The following PLCB4 variants were observed in gnomAD, a reference collection of about 807,000 sequenced individuals.
PLCB4 encodes 1-phosphatidylinositol 4,5-bisphosphate phosphodiesterase beta-4.
Under a neutral mutation model 178.8 loss-of-function variants are expected in PLCB4, and 77 were observed. That is an observed-to-expected ratio of 0.43 (90% CI 0.36 to 0.52). The LOEUF (loss-of-function observed/expected upper bound fraction) is 0.52. Among genes scored for constraint, PLCB4 ranks in the 20% least tolerant of loss-of-function variants. The pLI is 0.00. For missense variants in PLCB4, 1,024 were observed against 1,453.4 expected, an observed-to-expected ratio of 0.70 and a Z score of 4.80; for synonymous variants, 496 against 490.8, an observed-to-expected ratio of 1.01 and a Z score of -0.14.
intron 4 of PLCB4, among the ~76,000 whole-genome samples, chr20:9,313,502 T>C (rs1248084566): frequency 6.6e-6 from 1 of 152,144 alleles, no homozygotes; most frequent in East Asian, 1.9e-4. Flanking sequence ...AAAAATAAAA[T>C]AATTTCAAAT....
chr20:9,198,894 T>G (rs970316968), intron 2 of PLCB4, among the ~76,000 whole-genome samples: 1 of 152,218 alleles, frequency 6.6e-6, no homozygotes. Context: ...TTGTATTCTC[T>G]TTTTTAAAGG....
intron 2 of PLCB4, among the ~76,000 whole-genome samples, chr20:9,143,805 A>G (rs2092542309): frequency 6.6e-6 from 1 of 152,166 alleles, no homozygotes; most frequent in South Asian, 2.1e-4. Flanking sequence ...CAAGAAATGC[A>G]GGGTGGATAC....
intron 2 of PLCB4, among the ~76,000 whole-genome samples, chr20:9,100,094 A>T (rs543731387): frequency 1.3e-5 from 2 of 152,256 alleles, no homozygotes; most frequent in South Asian, 4.1e-4. Context: ...GGTTTGTCAC[A>T]TCTGGGACTG....
chr20:9,443,981 G>A lies in PLCB4; in HGVS notation c.2765G>A (p.Gly922Asp). ...GACTTAATTTTTTTTGTTTGTTTAG[G>A]TATTGAACTTATCCCTCAAGTAAGG... ...ALASGVEAKK[G>D]IELIPQVRIE... The change falls in exon 31 of 40, where the codon GGT (glycine) becomes GAT (aspartate). Residue 922 changes from glycine to aspartate, a missense_variant and splice_region_variant. Transcript: ENST00000378473. The A allele has an allele frequency of 1.9e-6, 3 of 1,567,504 alleles. No individual in the cohort carries two copies. The highest frequency in any genetic ancestry group is 1.8e-4 in the Middle Eastern group (1 of 5,600).
At chr20:9,346,658 T>C (rs997429293) in intron 7 of PLCB4, among the ~76,000 whole-genome samples, 1 of 152,148 alleles carries the variant, frequency 6.6e-6, no homozygotes, top group African/African-American at 2.4e-5. Context: ...TCTGAGTTCA[T>C]TGGAAACAAA....
In PLCB4 at chr20:9,421,465, G is replaced by C. The variant is rs6118605; in HGVS notation, c.2319+4G>C. The C allele has an allele frequency of 6.2e-7, 1 of 1,610,612 alleles. No individual in the cohort carries two copies. Among genetic ancestry groups the C allele is most frequent in the East Asian group, 2.2e-5 (1 of 44,838 alleles). ...AGAGTCATTTGTATTTCGGAAGGTA[G>C]GACATTTTCAGCACGTCAAACTTAC... On this transcript the variant is annotated splice_donor_region_variant and intron_variant, in intron 27 of 39. Coordinates refer to ENST00000378473, the MANE Select transcript of PLCB4 (RefSeq NM_001377142.1).
At chr20:9,270,383 A>G (rs903187208) in intron 3 of PLCB4, among the ~76,000 whole-genome samples, 2 of 152,144 alleles carry the variant, frequency 1.3e-5, no homozygotes, top group African/African-American at 2.4e-5. Context: ...TATATTCTCC[A>G]TCACTACTAG....
At chr20:9,227,468 C>T (rs1046035251) in intron 3 of PLCB4, among the ~76,000 whole-genome samples, 3 of 151,916 alleles carry the variant, frequency 2.0e-5, no homozygotes, top group African/African-American at 7.3e-5. Context: ...ATTTTTAGCC[C>T]TTATATTTAA....
At chr20:9,417,710 A>G (rs1412605572) in intron 25 of PLCB4, among the ~76,000 whole-genome samples, 1 of 152,158 alleles carries the variant, frequency 6.6e-6, no homozygotes, top group Non-Finnish European at 1.5e-5. Context: ...TATCTTGGTT[A>G]CATGCATAAG....
chr20:9,113,200 A>G (rs1414346361), intron 2 of PLCB4, among the ~76,000 whole-genome samples: 1 of 152,170 alleles, frequency 6.6e-6, no homozygotes, highest in East Asian at 1.9e-4. Flanking sequence ...TTGTGCTTAC[A>G]TGGTTTAAAT....
chr20:9,334,297 G>A (rs1246636892), intron 4 of PLCB4, among the ~76,000 whole-genome samples: 1 of 152,140 alleles, frequency 6.6e-6, no homozygotes, highest in Non-Finnish European at 1.5e-5. Context: ...ATGCTGGACT[G>A]GCCAGAGAAG....
At chr20:9,465,235 C>A (rs111478031) in intron 35 of PLCB4, among the ~76,000 whole-genome samples, 2 of 152,256 alleles carry the variant, frequency 1.3e-5, no homozygotes, top group African/African-American at 4.8e-5. Context: ...ATTCAACAGG[C>A]CTTCATGCTA....
chr20:9,108,921 GA>G (rs2091475423), intron 2 of PLCB4, among the ~76,000 whole-genome samples: 1 of 151,314 alleles, frequency 6.6e-6, no homozygotes, highest in Non-Finnish European at 1.5e-5. Flanking sequence ...GAGAGAGAGA[GA>G]GAGAAAGAGA....
intron 3 of PLCB4, among the ~76,000 whole-genome samples, chr20:9,249,516 A>G (rs545736051): frequency 2.0e-5 from 3 of 152,088 alleles, no homozygotes; most frequent in South Asian, 4.2e-4. Context: ...GGGCCTTGCT[A>G]TGTTGCCCAG....
intron 28 of PLCB4, among the ~76,000 whole-genome samples, chr20:9,432,859 T>C (rs909521821): frequency 6.6e-6 from 1 of 152,204 alleles, no homozygotes; most frequent in Non-Finnish European, 1.5e-5. Flanking sequence ...CTTCTGAACA[T>C]TGCATTTCCT....
In PLCB4 at chr20:9,478,950, G is replaced by A; in HGVS notation, c.3562G>A (p.Gly1188Arg). 5.0e-6 allele frequency: 8 copies of A among 1,613,688 alleles called. No individual in the cohort carries two copies. Among genetic ancestry groups the A allele is most frequent in the Non-Finnish European group, 6.8e-6 (8 of 1,179,692 alleles). The change falls in exon 40 of 40, where the codon GGA becomes AGA. Residue 1188 changes from glycine (G) to arginine (R), a missense_variant. By Grantham distance (125) the Gly-to-Arg change is moderately radical. Coordinates refer to ENST00000378473, the MANE Select transcript of PLCB4 (RefSeq NM_001377142.1). ...AGGAGATGCAGCAGATGGTGAAATTGGAAGCCGAGATGGACCGCAGACCAG... is the reference window on the plus strand; with the variant it reads ...AGGAGATGCAGCAGATGGTGAAATTAGAAGCCGAGATGGACCGCAGACCAG... ...GEGDAADGEI[G>R]SRDGPQTSNS...
chr20:9,337,269 A>G, intron 5 of PLCB4, 63 bp downstream of exon 5: 2 of 1,141,766 alleles, frequency 1.8e-6, no homozygotes, highest in Non-Finnish European at 2.7e-6. Flanking sequence ...TTGTTTCTCA[A>G]CAAGTAGACT....
In PLCB4 at chr20:9,459,738, G is replaced by A. The variant is rs1490318294; in HGVS notation, c.3176G>A (p.Cys1059Tyr). 6.2e-7 allele frequency: 1 copy of A among 1,611,120 alleles called. No homozygotes were observed. Residue 1059 changes from cysteine to tyrosine, a missense_variant, in exon 35 of 40, where the codon TGT (cysteine) becomes TAT (tyrosine). Transcript: ENST00000378473. Reference protein sequence around the residue: ...EIRDLHLSQQCELLKKLLINA... With the variant: ...EIRDLHLSQQYELLKKLLINA... The stretch of plus-strand genomic sequence containing the variant: ...CGAGACCTGCACCTCAGCCAGCAGT[G>A]TGAGCTGCTGAAAAAGCTACTCATC...
chr20:9,133,522 C>T (rs1312992969), intron 2 of PLCB4, among the ~76,000 whole-genome samples: 1 of 152,150 alleles, frequency 6.6e-6, no homozygotes, highest in African/African-American at 2.4e-5. Flanking sequence ...CTACCTTGGC[C>T]TCCCAAAGTG....
Sources: gnomAD v4.1 joint callset for allele counts (sites outside exome capture counted in the v4.1 genomes callset) on GRCh38, gnomAD v4.1.1 for gene constraint, MANE v1.5 for transcripts, NCBI Gene and HGNC (gene_info 2026-07-23, HGNC 2026-07-21) for gene names.